IL1RAPL2: variants seen among roughly 807,000 people sequenced by gnomAD.
IL1RAPL2 encodes X-linked interleukin-1 receptor accessory protein-like 2.
A neutral mutation model predicts 44.1 loss-of-function variants in IL1RAPL2; 3 were observed. The observed-to-expected ratio is 0.07, with a 90% CI of 0.03 to 0.18. IL1RAPL2 has a LOEUF of 0.18. Among genes scored for constraint, IL1RAPL2 ranks in the 10% least tolerant of loss-of-function variants. The pLI is 1.00. For synonymous variants in IL1RAPL2, 181 were observed against 178.8 expected (o/e 1.01, Z -0.10); for missense variants, 391 against 496.4 (o/e 0.79, Z 2.02).
intron 6 of IL1RAPL2, among the ~76,000 whole-genome samples, chrX:105,577,418 T>C (rs1000674426): frequency 9.2e-4 from 102 of 110,981 alleles, no homozygotes; most frequent in African/African-American, 3.0e-3. Flanking sequence ...CAGTATGTTA[T>C]AAGATTTACC....
At chrX:105,073,980 A>G (rs2147540482) in intron 2 of IL1RAPL2, among the ~76,000 whole-genome samples, 1 of 111,239 alleles carries the variant, frequency 9.0e-6, no homozygotes, top group East Asian at 2.9e-4. Context: ...ATTCTCTCCC[A>G]TTCTGTAGGT....
At chrX:105,540,912 T>TTATATATGATATATAATACATACA (rs2036726496) in intron 6 of IL1RAPL2, among the ~76,000 whole-genome samples, 33 of 45,092 alleles carry the variant, frequency 7.3e-4, no homozygotes, top group African/African-American at 2.2e-3. Flanking sequence ...CATACATATA[T>TTATATATGATATATAATACATACA]TATATATGAT....
In IL1RAPL2 at chrX:105,160,122, GCTCAAAGAAAGC is replaced by G. The variant is rs1302314634; in HGVS notation, c.83-35350_83-35339del. On this transcript the variant is annotated intron_variant, in intron 2 of 10. Coordinates refer to ENST00000372582, the MANE Select transcript of IL1RAPL2 (RefSeq NM_017416.2). ...ATTTGAACATTTGATAAACACTAGA[GCTCAAAGAAAGC>G]CTTCACCAACTTTTGTTGCCTGGAT... Among the ~76,000 whole-genome samples the G allele has an allele frequency of 3.6e-5, 4 of 109,814 alleles. No homozygotes were observed. The Admixed American group carries it at 3.9e-4, about 11-fold the overall frequency.
At chrX:104,824,253 GA>G (rs1921390692) in intron 2 of IL1RAPL2, among the ~76,000 whole-genome samples, 1 of 111,938 alleles carries the variant, frequency 8.9e-6, no homozygotes, top group Admixed American at 9.5e-5. Flanking sequence ...GATTGTGGTG[GA>G]TAAGCTTTTT....
chrX:104,664,681 C>A (rs1412000937), intron 2 of IL1RAPL2, among the ~76,000 whole-genome samples: 1 of 111,794 alleles, frequency 8.9e-6, no homozygotes, highest in Non-Finnish European at 1.9e-5. Flanking sequence ...CTAGGGTTAC[C>A]TTGATACTGA....
rs976202167 is a variant in IL1RAPL2 at position 104,970,892 on chromosome X, C to T, written c.83-224583C>T. Among the ~76,000 whole-genome samples, 5 of 112,108 alleles carry T rather than the reference C, an allele frequency of 4.5e-5. No homozygotes were observed. In the East Asian group the frequency reaches 1.4e-3, roughly 32 times the overall value. On this transcript the variant is annotated intron_variant, in intron 2 of 10. Transcript: ENST00000372582. ...CTCTGGATCTTATCTAAGGGGCCCA[C>T]AGGCAAGACGCTTTTACTCTCTGGG...
chrX:105,640,053 ATATC>A (rs200685509), intron 6 of IL1RAPL2, among the ~76,000 whole-genome samples: 2,601 of 110,960 alleles, frequency 0.023, 66 homozygotes, highest in African/African-American at 0.081. Flanking sequence ...ACCTATCTGC[ATATC>A]TATCTATCTA....
At chrX:105,754,569 C>A (rs1010826396) in intron 9 of IL1RAPL2, among the ~76,000 whole-genome samples, 2 of 112,503 alleles carry the variant, frequency 1.8e-5, no homozygotes, top group Non-Finnish European at 3.8e-5. Flanking sequence ...ATGAACTGAA[C>A]AAGAATAACA....
chrX:104,587,063 C>G (rs1424807677), intron 1 of IL1RAPL2, among the ~76,000 whole-genome samples: 2 of 111,086 alleles, frequency 1.8e-5, no homozygotes, highest in Non-Finnish European at 3.8e-5. Context: ...TGTAGGTGCC[C>G]TAAAATAAAT....
intron 1 of IL1RAPL2, among the ~76,000 whole-genome samples, chrX:104,583,090 G>A (rs930401323): frequency 1.9e-5 from 2 of 107,855 alleles, no homozygotes; most frequent in African/African-American, 6.8e-5. Flanking sequence ...GTTTCACCAT[G>A]TTGGTCAGGC....
At chrX:104,931,304 CAG>C (rs1454480295) in intron 2 of IL1RAPL2, among the ~76,000 whole-genome samples, 1 of 103,821 alleles carries the variant, frequency 9.6e-6, no homozygotes, top group African/African-American at 3.5e-5. Flanking sequence ...ACAGTGGAAA[CAG>C]AAACATGGCA....
At chrX:105,376,461 G>A (rs2035387931) in intron 5 of IL1RAPL2, among the ~76,000 whole-genome samples, 1 of 111,889 alleles carries the variant, frequency 8.9e-6, no homozygotes, top group South Asian at 3.7e-4. Flanking sequence ...TTCTGCTGCT[G>A]CTGCTTTGAT....
chrX:104,636,639 A>G (rs927126773), intron 1 of IL1RAPL2, among the ~76,000 whole-genome samples: 3 of 112,052 alleles, frequency 2.7e-5, no homozygotes, highest in Non-Finnish European at 5.6e-5. Flanking sequence ...GGACCCTCCA[A>G]GCCATGCATG....
At chrX:104,992,371 G>A (rs1248817814) in intron 2 of IL1RAPL2, among the ~76,000 whole-genome samples, 1 of 111,415 alleles carries the variant, frequency 9.0e-6, no homozygotes, top group Non-Finnish European at 1.9e-5. Flanking sequence ...GGTTAAATAA[G>A]CCCTTACACC....
chrX:104,956,760 T>G (rs1285677655), intron 2 of IL1RAPL2, among the ~76,000 whole-genome samples: 2 of 111,723 alleles, frequency 1.8e-5, no homozygotes, highest in Non-Finnish European at 3.8e-5. Context: ...GGCCAAGGGT[T>G]TGCCACTGAC....
intron 2 of IL1RAPL2, among the ~76,000 whole-genome samples, chrX:104,871,006 CCT>C (rs1922746747): frequency 9.1e-6 from 1 of 110,156 alleles, no homozygotes; most frequent in South Asian, 3.9e-4. Flanking sequence ...TAAACTTTCC[CCT>C]GAGACTCTGA....
At chrX:104,678,139 T>A (rs900829308) in intron 2 of IL1RAPL2, among the ~76,000 whole-genome samples, 2 of 112,582 alleles carry the variant, frequency 1.8e-5, no homozygotes, top group Admixed American at 9.4e-5. Flanking sequence ...TGCTTTCTTT[T>A]TATTAAGAGA....
chrX:105,245,561 A>G, intron 4 of IL1RAPL2, among the ~76,000 whole-genome samples: 1 of 112,739 alleles, frequency 8.9e-6, no homozygotes, highest in East Asian at 2.8e-4. Flanking sequence ...CACTATATAA[A>G]TAGGATTTAG....
rs190135006 is a variant in IL1RAPL2, at chrX:105,270,262, T to C, written c.697+2721T>C. Among the ~76,000 whole-genome samples the C allele has an allele frequency of 8.1e-5, 9 of 111,620 alleles. No individual in the cohort carries two copies. In the East Asian group the frequency reaches 1.7e-3, roughly 21 times the overall value. ...GTGCTAACAAGTCAAAGTCATAGGT[T>C]TGATTATTTTGTGAGTATGTTAGTT... On this transcript the variant is annotated intron_variant, in intron 5 of 10. Coordinates refer to ENST00000372582, the MANE Select transcript of IL1RAPL2 (RefSeq NM_017416.2).
Sources: gnomAD v4.1 joint callset for allele counts (sites outside exome capture counted in the v4.1 genomes callset) on GRCh38, gnomAD v4.1.1 for gene constraint, MANE v1.5 for transcripts, NCBI Gene and HGNC (gene_info 2026-07-23, HGNC 2026-07-21) for gene names.